Variants in EHBP1 observed in about 807,000 individuals in gnomAD.
EHBP1 encodes the protein EH domain binding protein 1, also known as EH domain-binding protein 1.
In EHBP1, 55 loss-of-function variants were observed where a neutral mutation model predicts 144.0. The observed-to-expected ratio is 0.38, with a 90% CI of 0.31 to 0.48. EHBP1 has a LOEUF of 0.48. Among genes scored for constraint, EHBP1 ranks in the 20% least tolerant of loss-of-function variants. The pLI is 0.98. For synonymous variants in EHBP1, 469 were observed against 472.7 expected (o/e 0.99, Z 0.10); for missense variants, 1,200 against 1,364.2 (o/e 0.88, Z 1.90).
chr2:62,750,993 T>C (rs1345909938), intron 3 of EHBP1, among the ~76,000 whole-genome samples: 2 of 152,202 alleles, frequency 1.3e-5, no homozygotes, highest in Admixed American at 6.5e-5. Context: ...CTTGCCTGAT[T>C]GCCCTAGCCA....
chr2:62,863,990 G>A (rs915084757), intron 8 of EHBP1, among the ~76,000 whole-genome samples: 1 of 151,394 alleles, frequency 6.6e-6, no homozygotes, highest in Non-Finnish European at 1.5e-5. Flanking sequence ...GGGATTGCAG[G>A]CCCCCGCCAC....
chr2:62,731,134 T>C (rs960512950), intron 2 of EHBP1, among the ~76,000 whole-genome samples: 14 of 152,004 alleles, frequency 9.2e-5, no homozygotes, highest in African/African-American at 2.9e-4. Context: ...ATTGGATTTA[T>C]ACCTAAGTAT....
chr2:62,901,745 C>T (rs2053433115), intron 10 of EHBP1, among the ~76,000 whole-genome samples: 1 of 151,718 alleles, frequency 6.6e-6, no homozygotes, highest in African/African-American at 2.4e-5. Context: ...GTAGACGGAT[C>T]ATTTGAGTCC....
intron 3 of EHBP1, among the ~76,000 whole-genome samples, chr2:62,759,665 A>G (rs902423197): frequency 7.2e-5 from 11 of 152,012 alleles, no homozygotes; most frequent in African/African-American, 2.4e-4. Flanking sequence ...CAGCCTCTCA[A>G]AGTGCTGGAA....
Position 63,045,246 on chromosome 2 carries a change from A to G in EHBP1, c.3392+66A>G. The G allele has an allele frequency of 6.7e-7, 1 of 1,482,984 alleles. No individual in the cohort carries two copies. Among genetic ancestry groups the G allele is most frequent in the Non-Finnish European group, 9.2e-7 (1 of 1,085,110 alleles). 91.9% of individuals were successfully genotyped at this position (1,482,984 alleles called of 1,614,324 possible). A position where few individuals can be genotyped will look rare whatever the true frequency, so the allele number is the denominator to read the frequency against. On this transcript the variant is annotated intron_variant, in intron 22 of 22. Coordinates refer to ENST00000431489, the MANE Select transcript of EHBP1 (RefSeq NM_001142616.3). This position sits in a 1 kb window ranked among gnomAD's most constrained non-coding sequence, Gnocchi z 5.7. ...CCGAGGGGCCGAGAAGTGTGCGGAAAGTTCAATCCAGAGGTCGCGGGAGGG... is the reference window on the plus strand; with the variant it reads ...CCGAGGGGCCGAGAAGTGTGCGGAAGGTTCAATCCAGAGGTCGCGGGAGGG...
intron 14 of EHBP1, among the ~76,000 whole-genome samples, chr2:62,974,488 A>C (rs1012219123): frequency 5.9e-5 from 9 of 152,176 alleles, no homozygotes; most frequent in African/African-American, 1.4e-4. Flanking sequence ...ATACCCTTCC[A>C]AATCTCTTTC....
chr2:62,928,689 A>G (rs2055734824), intron 10 of EHBP1, among the ~76,000 whole-genome samples: 1 of 152,112 alleles, frequency 6.6e-6, no homozygotes, highest in African/African-American at 2.4e-5. Flanking sequence ...AACTAAACCC[A>G]AAGCTAGAAA....
chr2:62,893,097 C>G (rs2052593923), intron 10 of EHBP1, among the ~76,000 whole-genome samples: 1 of 152,108 alleles, frequency 6.6e-6, no homozygotes, highest in Admixed American at 6.6e-5. Flanking sequence ...TTTACTTACT[C>G]TGAAGGAGGC....
intron 1 of EHBP1, among the ~76,000 whole-genome samples, chr2:62,696,166 CTT>C (rs201784732): frequency 8.2e-5 from 11 of 133,938 alleles, no homozygotes; most frequent in African/African-American, 1.6e-4. Context: ...CTCTCTCTCT[CTT>C]TCTTTCTTTC....
intron 7 of EHBP1, among the ~76,000 whole-genome samples, chr2:62,848,478 C>T (rs2048453189): frequency 2.0e-5 from 3 of 152,084 alleles, no homozygotes; most frequent in Non-Finnish European, 2.9e-5. Context: ...AAAAGATTTG[C>T]ACAAAGATAT....
At chr2:62,909,388 A>G (rs911257636) in intron 10 of EHBP1, among the ~76,000 whole-genome samples, 1 of 152,208 alleles carries the variant, frequency 6.6e-6, no homozygotes, top group Non-Finnish European at 1.5e-5. Context: ...TCGCCATATC[A>G]TGCAGGCTGG....
intron 6 of EHBP1, among the ~76,000 whole-genome samples, chr2:62,828,719 T>G (rs1473083025): frequency 3.3e-5 from 5 of 152,244 alleles, no homozygotes; most frequent in Non-Finnish European, 5.9e-5. Flanking sequence ...CTAATTCCTT[T>G]GGGCAGTTTG....
intron 19 of EHBP1, among the ~76,000 whole-genome samples, chr2:63,032,741 A>G (rs1278125767): frequency 6.6e-6 from 1 of 152,088 alleles, no homozygotes; most frequent in Non-Finnish European, 1.5e-5. Context: ...TAGAAAGTCC[A>G]TGCACAGGGG....
At chr2:62,883,354 C>T (rs1359088232) in intron 10 of EHBP1, among the ~76,000 whole-genome samples, 1 of 152,122 alleles carries the variant, frequency 6.6e-6, no homozygotes, top group Admixed American at 6.5e-5. Context: ...GGTAATGTTT[C>T]ATTGCAGATA....
chr2:62,730,173 A>G (rs1025715282), intron 2 of EHBP1, among the ~76,000 whole-genome samples: 4 of 152,074 alleles, frequency 2.6e-5, no homozygotes, highest in African/African-American at 9.7e-5. Context: ...CAATTTTCAT[A>G]TACCCCTCAT....
intron 7 of EHBP1, among the ~76,000 whole-genome samples, chr2:62,841,032 C>T (rs1232254389): frequency 3.9e-5 from 6 of 152,128 alleles, no homozygotes. Flanking sequence ...TATAAAGAGA[C>T]ATGCACACAT....
intron 10 of EHBP1, among the ~76,000 whole-genome samples, chr2:62,932,672 G>A (rs761490197): frequency 5.9e-5 from 9 of 152,080 alleles, no homozygotes; most frequent in Non-Finnish European, 1.2e-4. Flanking sequence ...AATGGTTAAG[G>A]GCTGGGCATG....
In EHBP1 at chr2:63,038,833, T is replaced by G. The variant is rs79202262; in HGVS notation, c.3277+17T>G. ...CCATTGAAGGTAAGAAATGCTATGG[T>G]GGGGTGAGGTATGTGACGTGTCAGT... On this transcript the variant is annotated intron_variant, in intron 21 of 22. Transcript: ENST00000431489. 3.7e-4 allele frequency: 598 copies of G among 1,606,052 alleles called. 5 individuals carry two copies. The East Asian group carries it at 0.013, about 34-fold the overall frequency.
intron 5 of EHBP1, among the ~76,000 whole-genome samples, chr2:62,774,004 C>T (rs1123508): frequency 0.11 from 17,339 of 151,798 alleles, 1,215 homozygotes; most frequent in Admixed American, 0.18. Context: ...ACAGTAGGAG[C>T]TCTTCTGATC....
Sources: gnomAD v4.1 joint callset for allele counts (sites outside exome capture counted in the v4.1 genomes callset) on GRCh38, gnomAD v4.1.1 for gene constraint, Gnocchi (gnomAD v3.1) non-coding constraint, MANE v1.5 for transcripts, NCBI Gene and HGNC (gene_info 2026-07-23, HGNC 2026-07-21) for gene names.